Variants in IL26 observed in about 807,000 individuals in gnomAD.
IL26 encodes interleukin 26.
Under a neutral mutation model 21.7 loss-of-function variants are expected in IL26, and 23 were observed. The ratio of observed to expected loss-of-function variants is 1.06; its 90% CI spans 0.76 to 1.50. The LOEUF (loss-of-function observed/expected upper bound fraction) is 1.50, where lower values mean the gene tolerates loss of function less well. IL26 is among the 40% of genes most tolerant of loss of function. The probability of loss-of-function intolerance (pLI) is 0.00; values close to 1 mark genes in which losing one functional copy is unlikely to be tolerated. For synonymous variants in IL26, 63 were observed against 67.8 expected, an observed-to-expected ratio of 0.93 and a Z score of 0.34; for missense variants, 204 against 196.0, an observed-to-expected ratio of 1.04 and a Z score of -0.24.
At chr12:68,216,070 A>T (rs1868869658) in intron 3 of IL26, among the ~76,000 whole-genome samples, 1 of 151,434 alleles carries the variant, frequency 6.6e-6, no homozygotes, top group Non-Finnish European at 1.5e-5. Context: ...AGGTGGATGG[A>T]TCACAAGGTC....
At chr12:68,204,521 C>T (rs557367543) in intron 3 of IL26, among the ~76,000 whole-genome samples, 2 of 152,294 alleles carry the variant, frequency 1.3e-5, no homozygotes, top group South Asian at 4.1e-4. Context: ...TTAAATAAAA[C>T]AGGCATTCCT....
At position 68,219,798 on chromosome 12, in the gene IL26, A is replaced by C. The variant is rs11571003; in HGVS notation, c.363+5351T>G. Among the ~76,000 whole-genome samples, 347 of 152,116 alleles carry C rather than the reference A, an allele frequency of 2.3e-3. 2 individuals carry two copies. Among genetic ancestry groups the C allele is most frequent in the African/African-American group, 7.8e-3 (325 of 41,568 alleles). On this transcript the variant is annotated intron_variant, in intron 3 of 4. Transcript: ENST00000229134. Reference sequence around the variant, plus strand: ...CTAAAAACTGGTTCTTTGAGAAATCAATAAAATTGATGAATTTTTAGCCAG... The same window carrying C: ...CTAAAAACTGGTTCTTTGAGAAATCCATAAAATTGATGAATTTTTAGCCAG...
At chr12:68,221,758 A>G (rs1278226579) in intron 3 of IL26, among the ~76,000 whole-genome samples, 1 of 152,238 alleles carries the variant, frequency 6.6e-6, no homozygotes, top group Non-Finnish European at 1.5e-5. Flanking sequence ...TTCTGGTGAT[A>G]CAAAACAACA....
chr12:68,220,049 A>C (rs1355736552), intron 3 of IL26, among the ~76,000 whole-genome samples: 1 of 152,160 alleles, frequency 6.6e-6, no homozygotes, highest in African/African-American at 2.4e-5. Context: ...ATAACCTTGC[A>C]TCTACTAAAA....
chr12:68,204,110 T>C (rs1480504593), intron 3 of IL26, among the ~76,000 whole-genome samples: 3 of 151,844 alleles, frequency 2.0e-5, no homozygotes, highest in Non-Finnish European at 4.4e-5. Flanking sequence ...TAGTTCCTCA[T>C]GTTTCTAAAA....
intron 3 of IL26, among the ~76,000 whole-genome samples, chr12:68,224,284 GTTTTT>G (rs778426152): frequency 7.6e-6 from 1 of 131,962 alleles, no homozygotes; most frequent in African/African-American, 3.0e-5. Context: ...CTGGCTCAGT[GTTTTT>G]GTTTTGTTTT....
chr12:68,201,899 A>T lies in IL26; in HGVS notation c.462T>A (p.Ser154Arg). 6.2e-7 allele frequency: 1 copy of T among 1,606,008 alleles called. No homozygotes were observed. Among genetic ancestry groups the T allele is most frequent in the Non-Finnish European group, 8.5e-7 (1 of 1,177,616 alleles). Residue 154 changes from serine (S) to arginine (R), a missense_variant, in exon 5 of 5, where the codon AGT (serine) becomes AGA (arginine). Physicochemically the swap from Ser to Arg is moderately radical, Grantham distance 110. Coordinates refer to ENST00000229134, the MANE Select transcript of IL26 (RefSeq NM_018402.2). ...IGNKGIYKAISELDILLSWIK... is the reference protein window; with the variant it reads ...IGNKGIYKAIRELDILLSWIK... The stretch of plus-strand genomic sequence containing the variant: ...TCCAGGAAAGAAGAATATCCAGTTC[A>T]CTGATGGCTTTGTAGATTCCTTTGT...
chr12:68,217,983 G>A (rs1193394637), intron 3 of IL26, among the ~76,000 whole-genome samples: 1 of 152,136 alleles, frequency 6.6e-6, no homozygotes, highest in Non-Finnish European at 1.5e-5. Context: ...ACAGAAATGT[G>A]TTGCTTCAAT....
chr12:68,224,996 C>G (rs1171056226), intron 3 of IL26, among the ~76,000 whole-genome samples, 153 bp downstream of exon 3: 2 of 152,166 alleles, frequency 1.3e-5, no homozygotes, highest in Non-Finnish European at 2.9e-5. Context: ...TTATTTAATG[C>G]TATTTCCCTG....
At chr12:68,216,489 C>T (rs1041867718) in intron 3 of IL26, among the ~76,000 whole-genome samples, 4 of 152,146 alleles carry the variant, frequency 2.6e-5, no homozygotes, top group African/African-American at 9.7e-5. Context: ...AGAACTACTA[C>T]ATGCTAGGTA....
At chr12:68,222,569 C>T (rs11570922) in intron 3 of IL26, among the ~76,000 whole-genome samples, 1 of 152,312 alleles carries the variant, frequency 6.6e-6, no homozygotes, top group Non-Finnish European at 1.5e-5. Context: ...CTCCAGGAAA[C>T]AGAATGGGCC....
intron 3 of IL26, among the ~76,000 whole-genome samples, chr12:68,204,782 A>AC (rs1303787017): frequency 6.6e-6 from 1 of 152,028 alleles, no homozygotes; most frequent in African/African-American, 2.4e-5. Flanking sequence ...ACTACGAGTG[A>AC]CCCCTAGTAA....
chr12:68,223,876 A>ATTTT (rs1208217783), intron 3 of IL26, among the ~76,000 whole-genome samples: 1 of 86,722 alleles, frequency 1.2e-5, no homozygotes, highest in Admixed American at 1.1e-4. Flanking sequence ...GAGAACTTAA[A>ATTTT]TTTGGTGGTT....
chr12:68,223,765 T>G (rs1252361445), intron 3 of IL26, among the ~76,000 whole-genome samples: 2 of 152,178 alleles, frequency 1.3e-5, no homozygotes, highest in African/African-American at 2.4e-5. Flanking sequence ...TAATTTCTTT[T>G]TATCAGTGTT....
At position 68,225,210 on chromosome 12, in the gene IL26, C is replaced by G. The variant is rs1869204767; in HGVS notation, c.302G>C (p.Gly101Ala). 1 of 1,613,832 alleles carries G rather than the reference C, an allele frequency of 6.2e-7. No individual in the cohort carries two copies. The highest frequency in any genetic ancestry group is 8.5e-7 in the Non-Finnish European group (1 of 1,179,902). Residue 101 changes from glycine to alanine, a missense_variant, in exon 3 of 5, where the codon GGC becomes GCC. By Grantham distance (60) the Gly-to-Ala change is moderately conservative. Transcript: ENST00000229134. The stretch of plus-strand genomic sequence containing the variant: ...CTCCACAAAGCGTATTTTCTTGCAG[C>G]CTTGCAATTGCAGTTGACCAAAAAC... ...EDVFGQLQLQ[G>A]CKKIRFVEDF... is the part of the protein sequence containing the mutation.
intron 3 of IL26, among the ~76,000 whole-genome samples, chr12:68,214,301 G>A (rs1868813092): frequency 6.6e-6 from 1 of 152,144 alleles, no homozygotes; most frequent in Non-Finnish European, 1.5e-5. Context: ...TGTTCCATGT[G>A]CTGATGAAAA....
chr12:68,217,503 T>A (rs1868918700), intron 3 of IL26, among the ~76,000 whole-genome samples: 1 of 152,202 alleles, frequency 6.6e-6, no homozygotes, highest in Non-Finnish European at 1.5e-5. Context: ...GTATTTAACC[T>A]GGCTTTCTTA....
chr12:68,208,338 C>G lies in IL26; in HGVS notation c.364-6255G>C, dbSNP rs146434282. Among the ~76,000 whole-genome samples, 12 of 152,184 alleles carry G rather than the reference C, an allele frequency of 7.9e-5. 1 individual carries two copies. In the East Asian group the frequency reaches 2.1e-3, roughly 27 times the overall value. On this transcript the variant is annotated intron_variant, in intron 3 of 4. Transcript: ENST00000229134. ...GAGAGCGCAGAGATAATTTAAACACCCTTCAGGTCTCAGCTGAATACCTCG... is the reference window on the plus strand; with the variant it reads ...GAGAGCGCAGAGATAATTTAAACACGCTTCAGGTCTCAGCTGAATACCTCG...
chr12:68,207,301 T>C (rs764397705), intron 3 of IL26, among the ~76,000 whole-genome samples: 53 of 152,206 alleles, frequency 3.5e-4, no homozygotes, highest in Non-Finnish European at 7.3e-4. Context: ...CTCTACTTCT[T>C]GGGAGCACTT....
Sources: gnomAD v4.1 joint callset for allele counts (sites outside exome capture counted in the v4.1 genomes callset) on GRCh38, gnomAD v4.1.1 for gene constraint, MANE v1.5 for transcripts, NCBI Gene and HGNC (gene_info 2026-07-23, HGNC 2026-07-21) for gene names.